Variants in BRINP1 observed in about 807,000 individuals in gnomAD.
BRINP1 encodes BMP/retinoic acid inducible neural specific 1, also known as BMP/retinoic acid-inducible neural-specific protein 1.
Under a neutral mutation model 72.9 loss-of-function variants are expected in BRINP1, and 17 were observed. The ratio of observed to expected loss-of-function variants is 0.23; its 90% CI spans 0.16 to 0.35. The LOEUF is 0.35. Among genes scored for constraint, BRINP1 ranks in the 10% least tolerant of loss-of-function variants. BRINP1 has a pLI of 1.00. For synonymous variants in BRINP1, 418 were observed against 378.5 expected (o/e 1.10, Z -1.21); for missense variants, 850 against 1,001.6 (o/e 0.85, Z 2.04).
At chr9:119,262,957 A>T (rs1360673054) in intron 2 of BRINP1, among the ~76,000 whole-genome samples, 1 of 152,332 alleles carries the variant, frequency 6.6e-6, no homozygotes, top group East Asian at 1.9e-4. Flanking sequence ...ATAGACAAAG[A>T]ATGTACATTT....
chr9:119,268,955 A>G (rs1413440706), intron 2 of BRINP1, among the ~76,000 whole-genome samples: 1 of 152,218 alleles, frequency 6.6e-6, no homozygotes, highest in Admixed American at 6.5e-5. Flanking sequence ...AAAAGGATAC[A>G]CCTGGAAATC....
intron 1 of BRINP1, among the ~76,000 whole-genome samples, chr9:119,352,584 T>G (rs1831517289): frequency 6.6e-6 from 1 of 152,182 alleles, no homozygotes; most frequent in African/African-American, 2.4e-5. Context: ...ATTTTTGTAT[T>G]TTTAGTAAAG....
intron 1 of BRINP1, among the ~76,000 whole-genome samples, chr9:119,336,726 AC>A (rs371775719): frequency 4.6e-5 from 7 of 152,078 alleles, no homozygotes; most frequent in African/African-American, 1.7e-4. Flanking sequence ...GCACACACGT[AC>A]CCTTGGAGGT....
At chr9:119,189,169 AT>A (rs535286890) in intron 7 of BRINP1, among the ~76,000 whole-genome samples, 11 of 152,252 alleles carry the variant, frequency 7.2e-5, no homozygotes, top group African/African-American at 2.6e-4. Flanking sequence ...AAGAAAAAAA[AT>A]ATTACAGAGA....
rs151099231 is a variant in BRINP1, at chr9:119,258,401, G to C, written c.219-9251C>G. On this transcript the variant is annotated intron_variant, in intron 2 of 7. Transcript: ENST00000265922. ...CCTGAAGCACTGTTATCGAGGGCAG[G>C]GGGCCATAATGGTGGCTATGAGAGT... Among the ~76,000 whole-genome samples the C allele has an allele frequency of 3.1e-3, 477 of 152,312 alleles. 2 individuals carry two copies. Among genetic ancestry groups the C allele is most frequent in the African/African-American group, 0.011 (445 of 41,576 alleles).
chr9:119,250,124 AGGAG>A lies in BRINP1; in HGVS notation c.219-978_219-975del, dbSNP rs556169652. On this transcript the variant is annotated intron_variant, in intron 2 of 7. Transcript: ENST00000265922. ...AGAAAAGGAAGGAGGGAGGGAGGGA[AGGAG>A]GGAGGGAGGGAGGGAAGGAGGGAGG... is the stretch of plus-strand genomic sequence containing the variant. Among the ~76,000 whole-genome samples the A allele has an allele frequency of 1.5e-3, 70 of 46,158 alleles. 1 individual carries two copies. The highest frequency in any genetic ancestry group is 4.4e-3 in the African/African-American group (55 of 12,416). 30.3% of individuals were successfully genotyped at this position (46,158 alleles called of 152,430 possible).
At position 119,242,124 on chromosome 9, in the gene BRINP1, C is replaced by A. The variant is rs1350604797; in HGVS notation, c.502G>T (p.Ala168Ser). The A allele has an allele frequency of 9.3e-6, 15 of 1,613,974 alleles. No individual in the cohort carries two copies. Among genetic ancestry groups the A allele is most frequent in the Non-Finnish European group, 8.5e-6 (10 of 1,180,012 alleles). ...TCACGGTCAACAAAGTAGGATGATG[C>A]GAGCTGGTGCAGAGCTTCAACACTT... is the stretch of plus-strand genomic sequence containing the variant. ...TQSVEALHQL[A>S]SSYFVDRDGT... Residue 168 changes from alanine (A) to serine (S), a missense_variant, in exon 4 of 8, where the codon GCA (alanine) becomes TCA (serine). Physicochemically the swap from Ala to Ser is moderately conservative, Grantham distance 99 (BLOSUM62 1). Transcript: ENST00000265922.
chr9:119,251,650 G>A (rs1830389309), intron 2 of BRINP1, among the ~76,000 whole-genome samples: 2 of 138,320 alleles, frequency 1.4e-5, no homozygotes, highest in African/African-American at 5.2e-5. Flanking sequence ...GTCAGGAACA[G>A]TGAGCAGGGA....
intron 2 of BRINP1, among the ~76,000 whole-genome samples, chr9:119,280,111 C>T (rs1276394347): frequency 6.6e-6 from 1 of 152,064 alleles, no homozygotes; most frequent in East Asian, 1.9e-4. Flanking sequence ...GACACAGATA[C>T]ATGTTTACAG....
intron 7 of BRINP1, among the ~76,000 whole-genome samples, chr9:119,182,267 CAA>C (rs1250419810): frequency 1.3e-5 from 2 of 151,996 alleles, no homozygotes; most frequent in African/African-American, 4.8e-5. Context: ...TGAAAGTAGG[CAA>C]AGATTTCTTA....
In BRINP1 at chr9:119,362,542, T is replaced by C. The variant is rs138821991; in HGVS notation, c.-51+6514A>G. ...CAGCACCTAGCAAGATTCATCACCA[T>C]ACCCCCCAAGTCACTTTGTCCAAAG... On this transcript the variant is annotated intron_variant, in intron 1 of 7. Coordinates refer to ENST00000265922, the MANE Select transcript of BRINP1 (RefSeq NM_014618.3). Among the ~76,000 whole-genome samples, 276 of 152,324 alleles carry C rather than the reference T, an allele frequency of 1.8e-3. 1 individual carries two copies. Among genetic ancestry groups the C allele is most frequent in the African/African-American group, 6.3e-3 (263 of 41,580 alleles).
intron 1 of BRINP1, among the ~76,000 whole-genome samples, chr9:119,324,304 T>C (rs1469336705): frequency 1.3e-5 from 2 of 152,212 alleles, no homozygotes; most frequent in Non-Finnish European, 1.5e-5. Context: ...CCAATGGTCA[T>C]GAAGTGAAGA....
chr9:119,307,075 C>T (rs1831004890), intron 2 of BRINP1, among the ~76,000 whole-genome samples: 1 of 151,836 alleles, frequency 6.6e-6, no homozygotes, highest in South Asian at 2.1e-4. Context: ...TAACTGTTTG[C>T]TGGAGAAGGC....
intron 2 of BRINP1, among the ~76,000 whole-genome samples, chr9:119,270,457 G>A (rs920554612): frequency 2.0e-5 from 3 of 152,128 alleles, no homozygotes; most frequent in African/African-American, 7.2e-5. Flanking sequence ...AATTAGGGGA[G>A]TAGCAAGAGA....
At chr9:119,360,352 G>C (rs1831616744) in intron 1 of BRINP1, among the ~76,000 whole-genome samples, 1 of 152,186 alleles carries the variant, frequency 6.6e-6, no homozygotes, top group African/African-American at 2.4e-5. Context: ...CCCAGCCCAG[G>C]CTTCCTGTAG....
At chr9:119,297,575 C>CTAA (rs1830893421) in intron 2 of BRINP1, among the ~76,000 whole-genome samples, 2 of 152,212 alleles carry the variant, frequency 1.3e-5, no homozygotes, top group African/African-American at 4.8e-5. Context: ...TAAGCTTTAG[C>CTAA]TAATAATACC....
chr9:119,364,205 T>C (rs562046033), intron 1 of BRINP1, among the ~76,000 whole-genome samples: 7 of 152,272 alleles, frequency 4.6e-5, no homozygotes, highest in African/African-American at 1.7e-4. Context: ...TTCATAATAT[T>C]CGAAGAACTG....
intron 2 of BRINP1, among the ~76,000 whole-genome samples, chr9:119,309,558 A>G (rs1323159321): frequency 6.6e-6 from 1 of 152,236 alleles, no homozygotes; most frequent in East Asian, 1.9e-4. Flanking sequence ...TTACTTTGTT[A>G]GAATGATGAT....
intron 2 of BRINP1, among the ~76,000 whole-genome samples, chr9:119,287,678 G>A (rs986151369): frequency 2.6e-5 from 4 of 152,204 alleles, no homozygotes; most frequent in Admixed American, 2.6e-4. Context: ...GAGTGGTCAA[G>A]CCTGACAGCA....
Sources: allele counts gnomAD v4.1 joint callset (sites outside exome capture counted in the v4.1 genomes callset), GRCh38; gene constraint gnomAD v4.1.1; transcripts MANE v1.5; gene names NCBI Gene and HGNC (gene_info 2026-07-23, HGNC 2026-07-21).